SLC36A2: variants seen among roughly 807,000 people sequenced by gnomAD.
SLC36A2 encodes the protein solute carrier family 36 member 2, also known as proton-coupled amino acid transporter 2.
A neutral mutation model predicts 42.7 loss-of-function variants in SLC36A2; 39 were observed. The ratio of observed to expected loss-of-function variants is 0.91; its 90% CI spans 0.71 to 1.19. The LOEUF (loss-of-function observed/expected upper bound fraction) is 1.19. Among genes scored for constraint, SLC36A2 ranks in the 50% most tolerant of loss-of-function variants. The pLI is 0.00. For synonymous variants in SLC36A2, 237 were observed against 240.8 expected (o/e 0.98, Z 0.15); for missense variants, 590 against 613.7 (o/e 0.96, Z 0.41).
intron 5 of SLC36A2, 54 bp from the exon 6 acceptor site, chr5:151,335,601 A>T: frequency 7.7e-7 from 1 of 1,295,716 alleles, no homozygotes; most frequent in Admixed American, 1.7e-5. Flanking sequence ...TTCTAACCTC[A>T]TGGTTGACTC....
chr5:151,334,353 G>T (rs991345129), intron 6 of SLC36A2, among the ~76,000 whole-genome samples: 1 of 151,970 alleles, frequency 6.6e-6, no homozygotes, highest in East Asian at 1.9e-4. Context: ...ATATGCCAAG[G>T]GGCTTCTGAG....
intron 7 of SLC36A2, among the ~76,000 whole-genome samples, chr5:151,327,752 T>TTC (rs149600041): frequency 2.9e-4 from 44 of 151,202 alleles, no homozygotes; most frequent in Middle Eastern, 3.4e-3. Context: ...CTTCCTTTCT[T>TTC]TCTCTCTCTC....
intron 9 of SLC36A2, 46 bp downstream of exon 9, chr5:151,322,000 C>A: frequency 6.2e-7 from 1 of 1,611,626 alleles, no homozygotes; most frequent in Non-Finnish European, 8.5e-7. Flanking sequence ...TCTTTATAGC[C>A]CTCAGAAAAG....
chr5:151,342,766 A>C, intron 4 of SLC36A2, 122 bp downstream of exon 4: 1 of 782,414 alleles, frequency 1.3e-6, no homozygotes, highest in Non-Finnish European at 2.2e-6. Flanking sequence ...AACCCCTTCC[A>C]TGTACAACAT....
chr5:151,339,039 G>A (rs780654109), intron 5 of SLC36A2, 21 bp downstream of exon 5: 26 of 1,580,526 alleles, frequency 1.6e-5, no homozygotes, highest in Non-Finnish European at 1.8e-5. Flanking sequence ...TTCCCCTCCC[G>A]TTTTCTCTAG....
intron 9 of SLC36A2, among the ~76,000 whole-genome samples, chr5:151,320,149 G>A (rs1755643444): frequency 6.6e-6 from 1 of 151,264 alleles, no homozygotes; most frequent in South Asian, 2.1e-4. Flanking sequence ...TCCCTGTAGT[G>A]CTTTCTTGAA....
intron 9 of SLC36A2, among the ~76,000 whole-genome samples, chr5:151,321,701 A>C (rs1433927186): frequency 7.7e-6 from 1 of 129,172 alleles, no homozygotes; most frequent in Admixed American, 8.1e-5. Context: ...TTTTTTTGAG[A>C]TGAATCTTGC....
chr5:151,330,879 A>G (rs7732825), intron 7 of SLC36A2, among the ~76,000 whole-genome samples: 12,129 of 152,268 alleles, frequency 0.08, 798 homozygotes, highest in African/African-American at 0.19. Flanking sequence ...AACTACTAAA[A>G]GTACTATAGA....
rs1298768500 is a variant in SLC36A2 at position 151,339,138 on chromosome 5, G to A, written c.447C>T (p.Ile149=). ...LQNHAHWGRH[I]VSFFLIITQL... is the part of the protein sequence containing the mutation. ...GGGTGATAATAAGGAAGAAGCTCAC[G>A]ATATGCCTAGAAGGGAGAAGAGAGG... The change falls in exon 5 of 10, where the codon ATC becomes ATT. Residue 149 remains isoleucine (I), a synonymous_variant. Transcript: ENST00000335244. The A allele has an allele frequency of 3.1e-6, 5 of 1,606,264 alleles. No individual in the cohort carries two copies. The highest frequency in any genetic ancestry group is 1.7e-5 in the Admixed American group (1 of 59,808).
At chr5:151,325,518 A>C (rs762522543) in intron 7 of SLC36A2, 66 bp from the exon 8 acceptor site, 115 of 1,522,310 alleles carry the variant, frequency 7.6e-5, no homozygotes, top group Admixed American at 1.0e-4. Context: ...ATGGCATTCC[A>C]CTTCTGGATG....
Position 151,335,397 on chromosome 5 carries a change from T to G in SLC36A2, c.676A>C (p.Ile226Leu). 6.2e-7 allele frequency: 1 copy of G among 1,614,012 alleles called. No homozygotes were observed. Among genetic ancestry groups the G allele is most frequent in the Non-Finnish European group, 8.5e-7 (1 of 1,179,986 alleles). ...VLIRNLRILT[I>L]FSMLANISML... ...CTGATGTTGGCCAGCATGGAGAAGATGGTCAAGATCCTGAGGTTCCGGATG... is the reference window on the plus strand; with the variant it reads ...CTGATGTTGGCCAGCATGGAGAAGAGGGTCAAGATCCTGAGGTTCCGGATG... The change falls in exon 6 of 10, where the codon ATC becomes CTC. Residue 226 changes from isoleucine (I) to leucine (L), a missense_variant. Ile to Leu is a conservative substitution (Grantham distance 5). Transcript: ENST00000335244.
At chr5:151,335,223 C>A in intron 6 of SLC36A2, 106 bp downstream of exon 6, 1 of 788,900 alleles carries the variant, frequency 1.3e-6, no homozygotes, top group Non-Finnish European at 2.2e-6. Context: ...TCTCTCATAA[C>A]ACTCTTACCC....
At chr5:151,337,690 C>T (rs976688101) in intron 5 of SLC36A2, among the ~76,000 whole-genome samples, 1 of 152,038 alleles carries the variant, frequency 6.6e-6, no homozygotes, top group African/African-American at 2.4e-5. Context: ...TAAAGAAGTG[C>T]ACAAAGACTT....
At chr5:151,342,176 G>C (rs1389823486) in intron 4 of SLC36A2, among the ~76,000 whole-genome samples, 5 of 152,188 alleles carry the variant, frequency 3.3e-5, no homozygotes, top group Non-Finnish European at 7.3e-5. Flanking sequence ...TCGTTTCAGA[G>C]GGTCTAAAAT....
At chr5:151,317,697 C>G (rs975496852) in intron 9 of SLC36A2, among the ~76,000 whole-genome samples, 4 of 152,100 alleles carry the variant, frequency 2.6e-5, no homozygotes, top group Non-Finnish European at 4.4e-5. Flanking sequence ...CATCTCAAAA[C>G]AACAATAACA....
chr5:151,317,917 G>T (rs1263524721), intron 9 of SLC36A2, among the ~76,000 whole-genome samples: 1 of 152,138 alleles, frequency 6.6e-6, no homozygotes, highest in Non-Finnish European at 1.5e-5. Context: ...TTGGCTTCCA[G>T]AACAGCCAAA....
At chr5:151,340,954 T>C (rs534355571) in intron 4 of SLC36A2, among the ~76,000 whole-genome samples, 1 of 152,320 alleles carries the variant, frequency 6.6e-6, no homozygotes, top group Admixed American at 6.5e-5. Context: ...GTAGATAGGA[T>C]GTTGGCTACA....
In SLC36A2 at chr5:151,333,405, A is replaced by G. The variant is rs1262065093; in HGVS notation, c.745-83T>C. 2.5e-6 allele frequency: 3 copies of G among 1,188,666 alleles called. No homozygotes were observed. In the African/African-American group the frequency reaches 4.5e-5, roughly 18 times the overall value. 73.6% of individuals were successfully genotyped at this position (1,188,666 alleles called of 1,614,324 possible). On this transcript the variant is annotated intron_variant, in intron 6 of 9. Transcript: ENST00000335244. ...TAAGAGAAGGGTACTCTGAAATGAG[A>G]CCTGAATTTTTTAAAATTGAATATC...
In SLC36A2 at chr5:151,339,116, T is replaced by A; in HGVS notation, c.469A>T (p.Thr157Ser). Residue 157 changes from threonine (T) to serine (S), a missense_variant, in exon 5 of 10, where the codon ACC becomes TCC. Coordinates refer to ENST00000335244, the MANE Select transcript of SLC36A2 (RefSeq NM_181776.3). ...TACACACAGCAGAAGCCAAGTTGGG[T>A]GATAATAAGGAAGAAGCTCACGATA... The part of the protein sequence containing the change: ...RHIVSFFLII[T>S]QLGFCCVYIV... The A allele has an allele frequency of 1.2e-6, 2 of 1,609,302 alleles. No homozygotes were observed. Among genetic ancestry groups the A allele is most frequent in the African/African-American group, 2.7e-5 (2 of 74,782 alleles).
Sources: gnomAD v4.1 joint callset for allele counts (sites outside exome capture counted in the v4.1 genomes callset) on GRCh38, gnomAD v4.1.1 for gene constraint, MANE v1.5 for transcripts, NCBI Gene and HGNC (gene_info 2026-07-23, HGNC 2026-07-21) for gene names.